Variants in MAD1L1 observed in about 807,000 individuals in gnomAD.
The protein encoded by MAD1L1 is mitotic spindle assembly checkpoint protein MAD1.
A neutral mutation model predicts 96.9 loss-of-function variants in MAD1L1; 95 were observed. That is an observed-to-expected ratio of 0.98 (90% confidence interval 0.83 to 1.16). MAD1L1 has a LOEUF of 1.16. MAD1L1 is among the 50% of genes most tolerant of loss of function. The probability of loss-of-function intolerance (pLI) is 0.00; values close to 1 mark genes in which losing one functional copy is unlikely to be tolerated. For missense variants in MAD1L1, 1,007 were observed against 954.4 expected (o/e 1.06, Z -0.73); for synonymous variants, 473 against 396.6 (o/e 1.19, Z -2.29).
rs1787580075 is a variant in MAD1L1 at position 2,114,856 on chromosome 7, C to T, written c.1073+34296G>A. Among the ~76,000 whole-genome samples, 1 of 152,224 alleles carries T rather than the reference C, an allele frequency of 6.6e-6. No homozygotes were observed. Among genetic ancestry groups the T allele is most frequent in the Non-Finnish European group, 1.5e-5 (1 of 68,048 alleles). On this transcript the variant is annotated intron_variant, in intron 11 of 18. Coordinates refer to ENST00000265854, the MANE Select transcript of MAD1L1 (RefSeq NM_001013836.2). The surrounding 1 kb of genome is among the most constrained non-coding windows in gnomAD (Gnocchi z 4.2). ...CTTGTCAGACCCATCTTTTGAGGCC[C>T]ACAGGTAGTTCTGGGATCTCGGTAA...
intron 18 of MAD1L1, among the ~76,000 whole-genome samples, chr7:1,893,848 C>T (rs1485100030): frequency 6.6e-6 from 1 of 152,212 alleles, no homozygotes; most frequent in Non-Finnish European, 1.5e-5. Flanking sequence ...TCTTATCTCT[C>T]CTCTGGACAG....
intron 17 of MAD1L1, among the ~76,000 whole-genome samples, chr7:1,927,871 G>A (rs1789178827): frequency 6.6e-6 from 1 of 152,202 alleles, no homozygotes; most frequent in Non-Finnish European, 1.5e-5. Context: ...GTCAGAAAAT[G>A]AAGAGGCTCG....
chr7:2,091,914 G>T (rs1400060984), intron 11 of MAD1L1, among the ~76,000 whole-genome samples: 1 of 152,130 alleles, frequency 6.6e-6, no homozygotes, highest in African/African-American at 2.4e-5. Context: ...GGTGCTTCTG[G>T]TTTTTAGTTA....
rs114080258 is a variant in MAD1L1, at chr7:1,847,291, C to T, written c.1999-31063G>A. 2,404 of 471,064 alleles carry T rather than the reference C, an allele frequency of 5.1e-3. 47 individuals carry two copies. Among genetic ancestry groups the T allele is most frequent in the African/African-American group, 0.043 (2,147 of 50,204 alleles). 29.2% of individuals were successfully genotyped at this position (471,064 alleles called of 1,614,324 possible). A position where few individuals can be genotyped will look rare whatever the true frequency, so the allele number is the denominator to read the frequency against. On this transcript the variant is annotated intron_variant, in intron 18 of 18. Transcript: ENST00000265854. ...CGGGACACAACCGAACGTGCCAGGA[C>T]TGCAGGAGCCGCTGGATTACAGAGC...
At chr7:2,172,028 C>G (rs754029712) in intron 10 of MAD1L1, among the ~76,000 whole-genome samples, 4 of 152,190 alleles carry the variant, frequency 2.6e-5, no homozygotes, top group Non-Finnish European at 5.9e-5. Context: ...CCCAGCCACT[C>G]ATCGGCTGTG....
intron 10 of MAD1L1, among the ~76,000 whole-genome samples, chr7:2,171,958 G>A (rs1242035402): frequency 2.0e-5 from 3 of 152,288 alleles, no homozygotes; most frequent in East Asian, 1.9e-4. Flanking sequence ...TCATCACCAC[G>A]AGGCCTAAGT....
At chr7:1,981,213 C>T (rs1447737402) in intron 14 of MAD1L1, among the ~76,000 whole-genome samples, 3 of 152,178 alleles carry the variant, frequency 2.0e-5, no homozygotes, top group African/African-American at 4.8e-5. Flanking sequence ...GTGATTCACC[C>T]GCCTCCGCCT....
intron 15 of MAD1L1, among the ~76,000 whole-genome samples, chr7:1,967,704 C>A (rs1221846890): frequency 6.6e-6 from 1 of 152,184 alleles, no homozygotes; most frequent in African/African-American, 2.4e-5. Flanking sequence ...CCCTGTGGTG[C>A]CAGAGAGTGA....
intron 11 of MAD1L1, among the ~76,000 whole-genome samples, chr7:2,081,830 C>T (rs570827150): frequency 2.0e-5 from 3 of 152,282 alleles, no homozygotes; most frequent in Non-Finnish European, 2.9e-5. Context: ...ACACACCTGC[C>T]GTCAGGGTGG....
intron 12 of MAD1L1, among the ~76,000 whole-genome samples, chr7:2,058,011 G>A (rs577051018): frequency 0.024 from 3,206 of 134,716 alleles, 187 homozygotes; most frequent in African/African-American, 0.1. Context: ...GGGCTGGAGA[G>A]GGAGTGTGGC....
intron 11 of MAD1L1, among the ~76,000 whole-genome samples, chr7:2,113,237 C>T (rs1019071067): frequency 3.3e-5 from 5 of 152,178 alleles, no homozygotes; most frequent in Admixed American, 6.5e-5. Flanking sequence ...TGACAAGCCC[C>T]GCAGCTGAGA....
intron 10 of MAD1L1, among the ~76,000 whole-genome samples, chr7:2,171,577 G>C (rs1467651889): frequency 1.3e-5 from 2 of 151,596 alleles, no homozygotes; most frequent in Non-Finnish European, 2.9e-5. Context: ...AAGCCCAGCA[G>C]CTGGAGGGTG....
intron 10 of MAD1L1, among the ~76,000 whole-genome samples, chr7:2,211,226 G>A (rs1270172723): frequency 6.6e-6 from 1 of 152,286 alleles, no homozygotes. Context: ...CCACCAGGGA[G>A]GGCAGAGTGA....
chr7:2,029,401 G>A (rs1432233243), intron 12 of MAD1L1, among the ~76,000 whole-genome samples: 1 of 152,162 alleles, frequency 6.6e-6, no homozygotes, highest in African/African-American at 2.4e-5. Context: ...AGGGCTTTGG[G>A]GGAGGTGGAG....
chr7:1,938,966 G>A lies in MAD1L1; in HGVS notation c.1597-2069C>T, dbSNP rs558934880. On this transcript the variant is annotated intron_variant, in intron 16 of 18. Coordinates refer to ENST00000265854, the MANE Select transcript of MAD1L1 (RefSeq NM_001013836.2). The stretch of plus-strand genomic sequence containing the variant: ...ACCGGGACCAGAGGCGCACACACAC[G>A]GGCCAGGGCCGGGACCAGAGGCGCA... Among the ~76,000 whole-genome samples, 34 of 115,480 alleles carry A rather than the reference G, an allele frequency of 2.9e-4. No homozygotes were observed. In the East Asian group the frequency reaches 6.2e-3, roughly 21 times the overall value. The allele number at this position is 115,480 out of a possible 152,430, so 75.8% of individuals were successfully genotyped here.
At chr7:2,082,626 G>C (rs772090112) in intron 11 of MAD1L1, among the ~76,000 whole-genome samples, 1 of 152,218 alleles carries the variant, frequency 6.6e-6, no homozygotes, top group African/African-American at 2.4e-5. Flanking sequence ...TGAGGATCAA[G>C]GGGCTCACAT....
At chr7:1,989,201 C>T (rs921047771) in intron 14 of MAD1L1, among the ~76,000 whole-genome samples, 3 of 152,180 alleles carry the variant, frequency 2.0e-5, no homozygotes, top group African/African-American at 7.2e-5. Flanking sequence ...ACTCCACACC[C>T]GCCAGGACGG....
chr7:2,120,356 C>A lies in MAD1L1; in HGVS notation c.1073+28796G>T, dbSNP rs369542440. On this transcript the variant is annotated intron_variant, in intron 11 of 18. Coordinates refer to ENST00000265854, the MANE Select transcript of MAD1L1 (RefSeq NM_001013836.2). Reference sequence around the variant, plus strand: ...CTCCCAGCTGATAACGAAGGCTGCGCTGCAGCAGCCTCTGCCTCCACAGCC... The same window carrying A: ...CTCCCAGCTGATAACGAAGGCTGCGATGCAGCAGCCTCTGCCTCCACAGCC... Among the ~76,000 whole-genome samples the A allele has an allele frequency of 2.9e-4, 44 of 152,368 alleles. No homozygotes were observed. The East Asian group carries it at 7.7e-3, about 27-fold the overall frequency.
intron 17 of MAD1L1, among the ~76,000 whole-genome samples, chr7:1,914,284 C>T (rs939148282): frequency 1.3e-5 from 2 of 152,196 alleles, no homozygotes; most frequent in Non-Finnish European, 2.9e-5. Context: ...CAGGACCGCA[C>T]GTGGGAAGGG....
Sources: allele counts gnomAD v4.1 joint callset (sites outside exome capture counted in the v4.1 genomes callset), GRCh38; gene constraint gnomAD v4.1.1; non-coding constraint Gnocchi (gnomAD v3.1); transcripts MANE v1.5; gene names NCBI Gene and HGNC (gene_info 2026-07-23, HGNC 2026-07-21).